Variants in CRACD observed in about 807,000 individuals in gnomAD.
CRACD encodes the protein capping protein-inhibiting regulator of actin dynamics.
CRACD carries 56 observed loss-of-function variants against 106.8 expected under a neutral mutation model. The ratio of observed to expected loss-of-function variants is 0.52; its 90% confidence interval spans 0.42 to 0.66. CRACD has a LOEUF of 0.66. Ranked by LOEUF, CRACD falls within the 30% of genes least tolerant of loss-of-function variation. The pLI, the probability that CRACD is intolerant of heterozygous loss-of-function variation, is 0.00. For synonymous variants in CRACD, 754 were observed against 670.8 expected (o/e 1.12, Z -1.92); for missense variants, 1,730 against 1,623.2 (o/e 1.07, Z -1.13).
At chr4:56,161,803 G>A (rs1433209385) in intron 1 of CRACD, among the ~76,000 whole-genome samples, 78 of 139,920 alleles carry the variant, frequency 5.6e-4, no homozygotes, top group African/African-American at 2.1e-3. Flanking sequence ...TCGCTCTGTT[G>A]CGCAGGCTGG....
At chr4:56,066,596 T>C (rs1026064696) in intron 1 of CRACD, among the ~76,000 whole-genome samples, 3 of 152,184 alleles carry the variant, frequency 2.0e-5, no homozygotes, top group Admixed American at 1.3e-4. Flanking sequence ...AAAATTGTAA[T>C]TGCAGTCCTC....
intron 1 of CRACD, among the ~76,000 whole-genome samples, chr4:56,068,163 T>C (rs547829373): frequency 2.0e-5 from 3 of 152,080 alleles, no homozygotes; most frequent in Non-Finnish European, 4.4e-5. Context: ...GATAGGATGG[T>C]CAGGAACAGC....
intron 1 of CRACD, among the ~76,000 whole-genome samples, chr4:56,113,971 C>T (rs989277056): frequency 3.9e-5 from 6 of 151,904 alleles, no homozygotes; most frequent in Admixed American, 3.9e-4. Context: ...AAATTTACTT[C>T]CTGTGAAGGA....
At chr4:56,274,972 G>A (rs1336523417) in intron 3 of CRACD, among the ~76,000 whole-genome samples, 2 of 152,194 alleles carry the variant, frequency 1.3e-5, no homozygotes, top group African/African-American at 4.8e-5. Flanking sequence ...AAGATCATGT[G>A]TTTTGCAGGA....
chr4:56,246,720 T>C (rs1388837506), intron 2 of CRACD: 5 of 152,156 alleles, frequency 3.3e-5, no homozygotes, highest in Admixed American at 6.5e-5. Flanking sequence ...AAGGTAAGTG[T>C]ATGGAATGTA....
At chr4:56,259,650 G>A (rs11944920) in intron 2 of CRACD, among the ~76,000 whole-genome samples, 73,025 of 151,944 alleles carry the variant, frequency 0.48, 17,999 homozygotes, top group Non-Finnish European at 0.54. Flanking sequence ...GTGATCCACT[G>A]TGAAAATTGT....
intron 5 of CRACD, among the ~76,000 whole-genome samples, chr4:56,310,279 A>AG (rs1379233033): frequency 2.0e-5 from 3 of 152,048 alleles, no homozygotes; most frequent in Non-Finnish European, 4.4e-5. Context: ...TGGCTGGAGA[A>AG]GGGGAGAGGC....
intron 4 of CRACD, among the ~76,000 whole-genome samples, chr4:56,306,980 A>AT (rs1461288993): frequency 6.6e-6 from 1 of 152,200 alleles, no homozygotes; most frequent in Non-Finnish European, 1.5e-5. Flanking sequence ...GTGTGGCAGA[A>AT]TGCAATGTTC....
At chr4:56,089,599 C>T (rs533393739) in intron 1 of CRACD, among the ~76,000 whole-genome samples, 239 of 151,344 alleles carry the variant, frequency 1.6e-3, no homozygotes, top group African/African-American at 5.5e-3. Flanking sequence ...CCGCAACCTC[C>T]GCCTCCCGGG....
intron 1 of CRACD, among the ~76,000 whole-genome samples, chr4:56,109,801 A>G (rs1475000344): frequency 6.6e-6 from 1 of 152,090 alleles, no homozygotes; most frequent in Admixed American, 6.5e-5. Flanking sequence ...AGAAAAAAAA[A>G]GACACGAGAT....
chr4:56,286,314 A>G (rs1455532232), intron 3 of CRACD, among the ~76,000 whole-genome samples: 2 of 150,966 alleles, frequency 1.3e-5, no homozygotes, highest in Non-Finnish European at 1.5e-5. Context: ...AATCTCTGGA[A>G]CCCCAGAGGT....
chr4:56,285,102 G>C (rs929644500), intron 3 of CRACD, among the ~76,000 whole-genome samples: 1 of 152,194 alleles, frequency 6.6e-6, no homozygotes, highest in Non-Finnish European at 1.5e-5. Context: ...TCTTACCATG[G>C]TGGAGCAGGA....
intron 2 of CRACD, among the ~76,000 whole-genome samples, chr4:56,229,397 T>G (rs1334365294): frequency 6.6e-6 from 1 of 152,150 alleles, no homozygotes; most frequent in Non-Finnish European, 1.5e-5. Context: ...CAAGAATGGG[T>G]CATTTGTGAG....
Position 56,123,461 on chromosome 4 carries a change from T to G in CRACD, c.-335-55823T>G, listed in dbSNP as rs377399119. Among the ~76,000 whole-genome samples, 33 of 152,290 alleles carry G rather than the reference T, an allele frequency of 2.2e-4. No individual in the cohort carries two copies. The East Asian group carries it at 4.8e-3, about 22-fold the overall frequency. ...CTTCTTGTAAAGCCCACCAATTCCA[T>G]CATGAAGCTCCCCTCTCTTTGACCA... is the stretch of plus-strand genomic sequence containing the variant. On this transcript the variant is annotated intron_variant, in intron 1 of 10. Transcript: ENST00000682029.
intron 2 of CRACD, among the ~76,000 whole-genome samples, chr4:56,218,585 C>T (rs1456629919): frequency 4.0e-5 from 6 of 148,748 alleles, no homozygotes; most frequent in African/African-American, 1.2e-4. Flanking sequence ...CCTTCCCCTC[C>T]CCTCCCTTCC....
chr4:56,227,179 C>G (rs1361526432), intron 2 of CRACD, among the ~76,000 whole-genome samples: 1 of 152,148 alleles, frequency 6.6e-6, no homozygotes, highest in Non-Finnish European at 1.5e-5. Flanking sequence ...CTTTTGTTAA[C>G]TCAAAATCTG....
chr4:56,178,164 G>A (rs901187802), intron 1 of CRACD, among the ~76,000 whole-genome samples: 45 of 152,054 alleles, frequency 3.0e-4, no homozygotes, highest in African/African-American at 1.0e-3. Context: ...TGATACAACC[G>A]CTTCTGAAAA....
At chr4:56,055,289 A>G (rs1054219886) in intron 1 of CRACD, among the ~76,000 whole-genome samples, 1 of 152,028 alleles carries the variant, frequency 6.6e-6, no homozygotes, top group Non-Finnish European at 1.5e-5. Flanking sequence ...TGAAAACTTG[A>G]TTATTATTTA....
At chr4:56,178,406 C>T (rs1461051953) in intron 1 of CRACD, among the ~76,000 whole-genome samples, 2 of 152,152 alleles carry the variant, frequency 1.3e-5, no homozygotes, top group East Asian at 3.9e-4. Flanking sequence ...GTCTGACTTG[C>T]CTCAATTTTA....
Sources: allele counts gnomAD v4.1 joint callset (sites outside exome capture counted in the v4.1 genomes callset), GRCh38; gene constraint gnomAD v4.1.1; transcripts MANE v1.5; gene names NCBI Gene and HGNC (gene_info 2026-07-23, HGNC 2026-07-21).